The following DCPS variants were observed in gnomAD, a reference collection of about 807,000 sequenced individuals.
DCPS encodes decapping enzyme, scavenger, also known as m7GpppX diphosphatase.
In DCPS, 27 loss-of-function variants were observed where a neutral mutation model predicts 34.7. The observed-to-expected ratio is 0.78, with a 90% CI of 0.57 to 1.07. The LOEUF is 1.07. Ranked by LOEUF, DCPS falls within the 50% of genes least tolerant of loss-of-function variation. The pLI is 0.00. For missense variants in DCPS, 464 were observed against 436.9 expected, an observed-to-expected ratio of 1.06 and a Z score of -0.55; for synonymous variants, 185 against 185.7, an observed-to-expected ratio of 1.00 and a Z score of 0.03.
In DCPS at chr11:126,337,946, C is replaced by T. The variant is rs553719940; in HGVS notation, c.523-340C>T. 6.7e-5 allele frequency: 19 copies of T among 282,856 alleles called. No individual in the cohort carries two copies. Among genetic ancestry groups the T allele is most frequent in the Admixed American group, 5.0e-4 (11 of 21,818 alleles). The allele number at this position is 282,856 out of a possible 1,614,324, so 17.5% of individuals were successfully genotyped here. On this transcript the variant is annotated intron_variant, in intron 3 of 5. Transcript: ENST00000263579. This position sits in a 1 kb window ranked among gnomAD's most constrained non-coding sequence, Gnocchi z 5.3. ...GTCCTGTGAGCGGTGGAGGGGGTCA[C>T]TGCTATAGAGGGCAGACACAGCCTG...
In DCPS at chr11:126,325,163, G is replaced by A. The variant is rs1951731114; in HGVS notation, c.377-6242G>A. On this transcript the variant is annotated intron_variant, in intron 2 of 5. Transcript: ENST00000263579. This position sits in a 1 kb window ranked among gnomAD's most constrained non-coding sequence, Gnocchi z 4.3. ...GATCGTGCCATTGCACTCCAGCCTG[G>A]GAGACACAGTGAGACTCAGTTTCGA... Among the ~76,000 whole-genome samples, 1 of 151,650 alleles carries A rather than the reference G, an allele frequency of 6.6e-6. No homozygotes were observed. Among genetic ancestry groups the A allele is most frequent in the South Asian group, 2.1e-4 (1 of 4,790 alleles).
intron 1 of DCPS, among the ~76,000 whole-genome samples, chr11:126,305,868 G>A (rs922640502): frequency 1.3e-5 from 2 of 152,206 alleles, no homozygotes; most frequent in Admixed American, 6.5e-5. Flanking sequence ...GAGCCTTCGA[G>A]CTAGGAGTCA....
In DCPS at chr11:126,349,381, A is replaced by G. The variant is rs577316436; in HGVS notation, c.*3768A>G. Among the ~76,000 whole-genome samples the G allele has an allele frequency of 6.6e-6, 1 of 152,244 alleles. No individual in the cohort carries two copies. The highest frequency in any genetic ancestry group is 1.9e-4 in the East Asian group (1 of 5,192). ...CCACGACTGGCTTTTAGCCCTCAAC[A>G]CTTGGCCTACATTCTTTCTGGCTTG... On this transcript the variant is annotated 3_prime_UTR_variant, in exon 6 of 6. Transcript: ENST00000263579. The surrounding 1 kb of genome is among the most constrained non-coding windows in gnomAD (Gnocchi z 5.4).
chr11:126,347,223 C>CTTTTT lies in DCPS; in HGVS notation c.*1626_*1630dup, dbSNP rs1229980101. On this transcript the variant is annotated 3_prime_UTR_variant, in exon 6 of 6. Coordinates refer to ENST00000263579, the MANE Select transcript of DCPS (RefSeq NM_014026.6). This position sits in a 1 kb window ranked among gnomAD's most constrained non-coding sequence, Gnocchi z 4.2. ...CACTCAGCCATTCTTCCCTGCAGCT[C>CTTTTT]TTTTTTTTTTTTTTTTTTTTGAGAC... is the stretch of plus-strand genomic sequence containing the variant. 3.3e-5 allele frequency among the ~76,000 whole-genome samples: 4 copies of CTTTTT among 122,750 alleles called. No individual in the cohort carries two copies. Among genetic ancestry groups the CTTTTT allele is most frequent in the Admixed American group, 8.2e-5 (1 of 12,136 alleles). 80.5% of individuals were successfully genotyped at this position (122,750 alleles called of 152,430 possible).
In DCPS at chr11:126,323,762, C is replaced by T. The variant is rs1448747096; in HGVS notation, c.377-7643C>T. Among the ~76,000 whole-genome samples the T allele has an allele frequency of 6.6e-6, 1 of 152,126 alleles. No individual in the cohort carries two copies. Among genetic ancestry groups the T allele is most frequent in the Admixed American group, 6.6e-5 (1 of 15,264 alleles). On this transcript the variant is annotated intron_variant, in intron 2 of 5. Transcript: ENST00000263579. This position sits in a 1 kb window ranked among gnomAD's most constrained non-coding sequence, Gnocchi z 4.4. Reference sequence around the variant, plus strand: ...CCATGTTGCCCAGGCTGGTCTCGAACTCCTGGGCTCAGGTGATCCAAAGTG... The same window carrying T: ...CCATGTTGCCCAGGCTGGTCTCGAATTCCTGGGCTCAGGTGATCCAAAGTG...
intron 2 of DCPS, among the ~76,000 whole-genome samples, chr11:126,309,335 A>G (rs1461499337): frequency 6.6e-6 from 1 of 152,082 alleles, no homozygotes; most frequent in Non-Finnish European, 1.5e-5. Context: ...CTTGGTATAT[A>G]AGTCATCCCT....
Position 126,345,350 on chromosome 11 carries a change from G to A in DCPS, c.751G>A (p.Ala251Thr), listed in dbSNP as rs747748685. 10 of 1,613,680 alleles carry A rather than the reference G, an allele frequency of 6.2e-6. No individual in the cohort carries two copies. In the Admixed American group the frequency reaches 1.7e-4, roughly 27 times the overall value. Residue 251 changes from alanine (A) to threonine (T), a missense_variant, in exon 6 of 6, where the codon GCC becomes ACC. Coordinates refer to ENST00000263579, the MANE Select transcript of DCPS (RefSeq NM_014026.6). This position sits in a 1 kb window ranked among gnomAD's most constrained non-coding sequence, Gnocchi z 7.4. Reference protein sequence around the residue: ...LRNILHQGQEAILQRYRMKGD... With the variant: ...LRNILHQGQETILQRYRMKGD... ...CTGCCTGCCCCTGTCTCATCAGGAG[G>A]CCATCCTGCAGCGCTACCGGATGAA...
rs1421707217 is a variant in DCPS, at chr11:126,320,185, C to T, written c.377-11220C>T. Among the ~76,000 whole-genome samples the T allele has an allele frequency of 6.6e-6, 1 of 151,986 alleles. No homozygotes were observed. Among genetic ancestry groups the T allele is most frequent in the Non-Finnish European group, 1.5e-5 (1 of 68,008 alleles). ...TACAGGCATGAGCTACGGTGCCTGG[C>T]CGTAATATATTCTGTTCTACAGACT... On this transcript the variant is annotated intron_variant, in intron 2 of 5. Transcript: ENST00000263579. The surrounding 1 kb of genome is among the most constrained non-coding windows in gnomAD (Gnocchi z 4.7).
Position 126,313,375 on chromosome 11 carries a change from A to G in DCPS, c.376+6631A>G, listed in dbSNP as rs1488677801. On this transcript the variant is annotated intron_variant, in intron 2 of 5. Coordinates refer to ENST00000263579, the MANE Select transcript of DCPS (RefSeq NM_014026.6). The surrounding 1 kb of genome is among the most constrained non-coding windows in gnomAD (Gnocchi z 4.9). ...TTGTTTGGAAGGAGCATTTTAAAAG[A>G]CAAGTCATTCTCAGAAGAGTTTGCT... Among the ~76,000 whole-genome samples, 1 of 152,212 alleles carries G rather than the reference A, an allele frequency of 6.6e-6. No individual in the cohort carries two copies. The highest frequency in any genetic ancestry group is 6.5e-5 in the Admixed American group (1 of 15,288).
At chr11:126,314,699 A>G (rs914074123) in intron 2 of DCPS, among the ~76,000 whole-genome samples, 2 of 152,152 alleles carry the variant, frequency 1.3e-5, no homozygotes, top group Admixed American at 6.5e-5. Flanking sequence ...AGCAACCTGG[A>G]TGGAATTGGA....
At chr11:126,316,633 T>G (rs1951660409) in intron 2 of DCPS, among the ~76,000 whole-genome samples, 1 of 141,358 alleles carries the variant, frequency 7.1e-6, no homozygotes, top group Non-Finnish European at 1.5e-5. Context: ...ACTCTCTTGA[T>G]TAGCTGAAGT....
chr11:126,335,348 A>G lies in DCPS; in HGVS notation c.523-2938A>G, dbSNP rs542598269. Among the ~76,000 whole-genome samples the G allele has an allele frequency of 6.6e-6, 1 of 152,368 alleles. No homozygotes were observed. The highest frequency in any genetic ancestry group is 1.9e-4 in the East Asian group (1 of 5,188). On this transcript the variant is annotated intron_variant, in intron 3 of 5. Coordinates refer to ENST00000263579, the MANE Select transcript of DCPS (RefSeq NM_014026.6). The surrounding 1 kb of genome is among the most constrained non-coding windows in gnomAD (Gnocchi z 4.8). ...GGCATCACCCTCTGCCCAGTTTATC[A>G]GCAGGGCTGGCCAAGTTCTTGGGCA...
chr11:126,308,004 A>G (rs892589884), intron 2 of DCPS, among the ~76,000 whole-genome samples: 28 of 152,212 alleles, frequency 1.8e-4, no homozygotes, highest in African/African-American at 6.8e-4. Context: ...ACTTCCCTGA[A>G]GGAACCTACT....
rs1486406063 is a variant in DCPS, at chr11:126,345,638, A to G, written c.*25A>G. The G allele has an allele frequency of 2.5e-6, 4 of 1,600,618 alleles. No homozygotes were observed. The East Asian group carries it at 6.7e-5, about 27-fold the overall frequency. On this transcript the variant is annotated 3_prime_UTR_variant, in exon 6 of 6. Coordinates refer to ENST00000263579, the MANE Select transcript of DCPS (RefSeq NM_014026.6). This position sits in a 1 kb window ranked among gnomAD's most constrained non-coding sequence, Gnocchi z 7.4. ...AATTAACTCAGGCAGAAGAGCACAG[A>G]TGTGTGGGATTGGGGGAGGAGTGGG...
At position 126,349,314 on chromosome 11, in the gene DCPS, C is replaced by T. The variant is rs1951968514; in HGVS notation, c.*3701C>T. ...ATGCCATGCCCCCGCTCTGCTGGAG[C>T]AGTGGCAGATGTCACCCTTCCTAGA... On this transcript the variant is annotated 3_prime_UTR_variant, in exon 6 of 6. Transcript: ENST00000263579. This position sits in a 1 kb window ranked among gnomAD's most constrained non-coding sequence, Gnocchi z 5.4. Among the ~76,000 whole-genome samples, 1 of 152,224 alleles carries T rather than the reference C, an allele frequency of 6.6e-6. No homozygotes were observed. The highest frequency in any genetic ancestry group is 1.5e-5 in the Non-Finnish European group (1 of 68,044).
intron 2 of DCPS, among the ~76,000 whole-genome samples, chr11:126,310,301 T>G (rs1246208010): frequency 6.6e-6 from 1 of 152,208 alleles, no homozygotes; most frequent in Admixed American, 6.5e-5. Context: ...CCTTGACATC[T>G]CCATTTGGAG....
Position 126,331,505 on chromosome 11 carries a change from G to C in DCPS, c.477G>C (p.Arg159Ser), listed in dbSNP as rs756990032. The C allele has an allele frequency of 1.4e-5, 22 of 1,614,140 alleles. No individual in the cohort carries two copies. The highest frequency in any genetic ancestry group is 1.9e-5 in the Non-Finnish European group (22 of 1,180,036). The change falls in exon 3 of 6, where the codon AGG becomes AGC. Residue 159 changes from arginine (R) to serine (S), a missense_variant. By Grantham distance (110) the Arg-to-Ser change is moderately radical. Transcript: ENST00000263579. The surrounding 1 kb of genome is among the most constrained non-coding windows in gnomAD (Gnocchi z 7.2). ...RLIRETGDDY[R>S]NITLPHLESQ... ...TCCGAGAGACGGGAGATGACTACAGGAATATTACTTTACCCCACCTGGAGT... is the reference window on the plus strand; with the variant it reads ...TCCGAGAGACGGGAGATGACTACAGCAATATTACTTTACCCCACCTGGAGT...
chr11:126,343,719 C>T (rs772214196), intron 5 of DCPS, among the ~76,000 whole-genome samples: 2 of 152,172 alleles, frequency 1.3e-5, no homozygotes, highest in African/African-American at 2.4e-5. Context: ...TCCAGGATCA[C>T]CTGTCTCTCT....
Position 126,328,771 on chromosome 11 carries a change from C to T in DCPS, c.377-2634C>T, listed in dbSNP as rs747627290. 1.3e-5 allele frequency among the ~76,000 whole-genome samples: 2 copies of T among 152,220 alleles called. No homozygotes were observed. The highest frequency in any genetic ancestry group is 2.4e-5 in the African/African-American group (1 of 41,454). ...GAGCTCCACTGCCCAACCCAGGCAA[C>T]GGAGGCAACAGCGGAGAGAATCCAA... On this transcript the variant is annotated intron_variant, in intron 2 of 5. Coordinates refer to ENST00000263579, the MANE Select transcript of DCPS (RefSeq NM_014026.6). The surrounding 1 kb of genome is among the most constrained non-coding windows in gnomAD (Gnocchi z 6.6).
Sources: allele counts gnomAD v4.1 joint callset (sites outside exome capture counted in the v4.1 genomes callset), GRCh38; gene constraint gnomAD v4.1.1; non-coding constraint Gnocchi (gnomAD v3.1); transcripts MANE v1.5; gene names NCBI Gene and HGNC (gene_info 2026-07-23, HGNC 2026-07-21).